The following MAP4 variants were observed in gnomAD, a reference collection of about 807,000 sequenced individuals.
MAP4 encodes microtubule-associated protein 4.
A neutral mutation model predicts 170.2 loss-of-function variants in MAP4; 76 were observed. That is an observed-to-expected ratio of 0.45 (90% CI 0.37 to 0.54). The LOEUF (loss-of-function observed/expected upper bound fraction) is 0.54, where lower values mean the gene tolerates loss of function less well. MAP4 is among the 20% of genes least tolerant of loss of function. MAP4 has a pLI of 0.00. For missense variants in MAP4, 2,506 were observed against 2,748.0 expected, an observed-to-expected ratio of 0.91 and a Z score of 1.97; for synonymous variants, 909 against 994.5, an observed-to-expected ratio of 0.91 and a Z score of 1.62.
At chr3:48,045,744 T>C (rs904159627) in intron 1 of MAP4, among the ~76,000 whole-genome samples, 1 of 152,218 alleles carries the variant, frequency 6.6e-6, no homozygotes, top group African/African-American at 2.4e-5. Flanking sequence ...GGTTTCACCC[T>C]GTTAGCCAGG....
intron 1 of MAP4, among the ~76,000 whole-genome samples, chr3:48,011,942 AG>A (rs1483766059): frequency 6.6e-6 from 1 of 152,216 alleles, no homozygotes; most frequent in Non-Finnish European, 1.5e-5. Context: ...CTAGGCAGAC[AG>A]GGGCGGGTCC....
intron 5 of MAP4, 120 bp from the exon 6 acceptor site, chr3:47,918,961 C>G: frequency 1.3e-6 from 1 of 751,994 alleles, no homozygotes; most frequent in South Asian, 1.8e-5. Flanking sequence ...CAGAGTTTCG[C>G]TCTGTTGCCC....
At chr3:48,063,730 G>GA (rs1014169815) in intron 1 of MAP4, among the ~76,000 whole-genome samples, 1 of 151,488 alleles carries the variant, frequency 6.6e-6, no homozygotes, top group African/African-American at 2.4e-5. Context: ...ATTGCTAGGT[G>GA]AAAAAAAAGC....
At chr3:48,043,634 C>T (rs2100122798) in intron 1 of MAP4, among the ~76,000 whole-genome samples, 2 of 152,136 alleles carry the variant, frequency 1.3e-5, no homozygotes, top group Admixed American at 1.3e-4. Context: ...AGGAAACATA[C>T]TTTGTTAGAG....
chr3:48,074,556 C>A (rs1376523928), intron 1 of MAP4, among the ~76,000 whole-genome samples: 4 of 146,204 alleles, frequency 2.7e-5, no homozygotes, highest in Non-Finnish European at 6.0e-5. Flanking sequence ...CTCTGTTGCC[C>A]ATGCTGGATT....
intron 1 of MAP4, 106 bp downstream of exon 1, chr3:48,016,228 G>T (rs2100107764): frequency 7.2e-6 from 1 of 139,202 alleles, no homozygotes; most frequent in African/African-American, 2.7e-5. Context: ...CCCATTTAAG[G>T]GAGCCCTGTT....
At chr3:47,891,487 G>C (rs1051167501) in intron 10 of MAP4, 1 of 1,517,164 alleles carries the variant, frequency 6.6e-7, no homozygotes, top group African/African-American at 1.4e-5. Context: ...GGCTACTAGG[G>C]GGAGGCAGCA....
At chr3:48,052,480 C>T (rs995088654) in intron 1 of MAP4, among the ~76,000 whole-genome samples, 1 of 152,148 alleles carries the variant, frequency 6.6e-6, no homozygotes, top group Non-Finnish European at 1.5e-5. Flanking sequence ...CCTCAGCATC[C>T]CAAAGTGCTG....
At chr3:48,046,816 C>T (rs764829071) in intron 1 of MAP4, among the ~76,000 whole-genome samples, 175 of 152,234 alleles carry the variant, frequency 1.1e-3, no homozygotes, top group Non-Finnish European at 2.1e-3. Flanking sequence ...AAATGTTAGC[C>T]GGGCGCGGTG....
intron 3 of MAP4, among the ~76,000 whole-genome samples, chr3:47,940,330 T>C (rs1185153509): frequency 2.0e-5 from 3 of 152,140 alleles, no homozygotes; most frequent in Non-Finnish European, 2.9e-5. Flanking sequence ...ATTTTGTTCT[T>C]AAAACTACAC....
chr3:47,870,422 T>C (rs1439456233), intron 15 of MAP4, among the ~76,000 whole-genome samples: 1 of 152,188 alleles, frequency 6.6e-6, no homozygotes, highest in Non-Finnish European at 1.5e-5. Flanking sequence ...TTCTACCTTC[T>C]GCCTATCCTG....
intron 1 of MAP4, among the ~76,000 whole-genome samples, chr3:48,011,548 G>A (rs559065541): frequency 9.0e-4 from 131 of 146,138 alleles, no homozygotes; most frequent in South Asian, 2.4e-3. Flanking sequence ...GCAAGACTCC[G>A]TCTCAAAAAA....
At chr3:48,018,523 G>A (rs896499585), upstream of MAP4, among the ~76,000 whole-genome samples, 2 of 152,202 alleles carry the variant, frequency 1.3e-5, no homozygotes, top group African/African-American at 4.8e-5. Context: ...CCTTGGCTAG[G>A]TGTGGTGGCT....
At chr3:47,906,084 CA>C (rs536980998) in intron 9 of MAP4, among the ~76,000 whole-genome samples, 1,497 of 129,170 alleles carry the variant, frequency 0.012, 15 homozygotes, top group African/African-American at 0.024. Context: ...TACACATAAC[CA>C]AAAAAAAAAA....
intron 19 of MAP4, among the ~76,000 whole-genome samples, chr3:47,854,345 C>A (rs550878507): frequency 6.6e-6 from 1 of 152,300 alleles, no homozygotes; most frequent in South Asian, 2.1e-4. Flanking sequence ...AGGACCCCCC[C>A]AGATGTTCCT....
intron 10 of MAP4, chr3:47,892,355 C>T: frequency 6.5e-7 from 1 of 1,536,200 alleles, no homozygotes; most frequent in Middle Eastern, 1.7e-4. Context: ...ATTCAGTTTG[C>T]CCTCTGTCCT....
Position 47,912,301 on chromosome 3 carries a change from G to A in MAP4, c.2120C>T (p.Pro707Leu). The change falls in exon 9 of 21, where the codon CCT (proline) becomes CTT (leucine). Residue 707 changes from proline (P) to leucine (L), a missense_variant. Physicochemically the swap from Pro to Leu is moderately conservative, Grantham distance 98. Around this residue, in one of 3 missense-constraint regions of MAP4, gnomAD observed 2,008 missense variants for 2,206.0 expected, o/e 0.91. Transcript: ENST00000683076. Reference protein sequence around the residue: ...RVPPELLGGSPPWKTLDHRLG... With the variant: ...RVPPELLGGSLPWKTLDHRLG... ...CCTGTGATCAAGAGTCTTCCATGGA[G>A]GAGAGCCTCCCAGCAGCTCAGGAGG... 1 of 1,536,150 alleles carries A rather than the reference G, an allele frequency of 6.5e-7. No homozygotes were observed. The highest frequency in any genetic ancestry group is 2.4e-5 in the East Asian group (1 of 40,928).
chr3:47,933,037 G>T (rs961019722), intron 3 of MAP4, among the ~76,000 whole-genome samples: 3 of 152,016 alleles, frequency 2.0e-5, no homozygotes, highest in Non-Finnish European at 4.4e-5. Context: ...AGAGTAGCTG[G>T]GACTACAGGT....
intron 1 of MAP4, among the ~76,000 whole-genome samples, chr3:48,024,038 G>A (rs1018261341): frequency 1.3e-5 from 2 of 152,212 alleles, no homozygotes; most frequent in African/African-American, 4.8e-5. Context: ...TGGGCCAGGT[G>A]CAGTGGCTCA....
Sources: gnomAD v4.1 joint callset for allele counts (sites outside exome capture counted in the v4.1 genomes callset) on GRCh38, gnomAD v4.1.1 for gene constraint, gnomAD v4.1.1 regional missense constraint, MANE v1.5 for transcripts, NCBI Gene and HGNC (gene_info 2026-07-23, HGNC 2026-07-21) for gene names.